CADM2: variants seen among roughly 807,000 people sequenced by gnomAD.
CADM2 encodes immunoglobulin superfamily member 4D.
Under a neutral mutation model 49.8 loss-of-function variants are expected in CADM2, and 12 were observed. The observed-to-expected ratio is 0.24, with a 90% CI of 0.15 to 0.39. The LOEUF (loss-of-function observed/expected upper bound fraction) is 0.39. Among genes scored for constraint, CADM2 ranks in the 10% least tolerant of loss-of-function variants. CADM2 has a pLI of 1.00. For missense variants in CADM2, 378 were observed against 492.3 expected (o/e 0.77, Z 2.20); for synonymous variants, 214 against 175.4 (o/e 1.22, Z -1.74).
intron 1 of CADM2, among the ~76,000 whole-genome samples, chr3:85,194,387 A>C (rs2041288692): frequency 6.6e-6 from 1 of 152,072 alleles, no homozygotes; most frequent in African/African-American, 2.4e-5. Flanking sequence ...CATGATCATA[A>C]TTCATTTAGC....
chr3:85,457,045 C>T (rs753629043), intron 1 of CADM2, among the ~76,000 whole-genome samples: 1 of 151,936 alleles, frequency 6.6e-6, no homozygotes, highest in Non-Finnish European at 1.5e-5. Context: ...TGCTGATAAT[C>T]AGGCATGTTT....
At chr3:85,648,192 T>C (rs1341583012) in intron 1 of CADM2, among the ~76,000 whole-genome samples, 1 of 151,936 alleles carries the variant, frequency 6.6e-6, no homozygotes, top group African/African-American at 2.4e-5. Flanking sequence ...ATTAGTTTCA[T>C]TGATATGACA....
Position 85,029,508 on chromosome 3 carries a change from G to A in CADM2, c.61+69840G>A, listed in dbSNP as rs577396142. 2.0e-5 allele frequency among the ~76,000 whole-genome samples: 3 copies of A among 152,122 alleles called. No homozygotes were observed. The East Asian group carries it at 5.8e-4, about 29-fold the overall frequency. ...GGTTTACTTTGCTAAGTTTCACAAAGCAAAAAAGGGTTTATCTTGGACAGT... is the reference window on the plus strand; with the variant it reads ...GGTTTACTTTGCTAAGTTTCACAAAACAAAAAAGGGTTTATCTTGGACAGT... On this transcript the variant is annotated intron_variant, in intron 1 of 9. Coordinates refer to ENST00000383699, the MANE Select transcript of CADM2 (RefSeq NM_001167675.2).
At chr3:85,488,201 T>C (rs933275820) in intron 1 of CADM2, among the ~76,000 whole-genome samples, 6 of 152,186 alleles carry the variant, frequency 3.9e-5, no homozygotes, top group Non-Finnish European at 8.8e-5. Flanking sequence ...GTGGGCTACT[T>C]GCTCAAATTC....
At chr3:85,491,883 C>T (rs1470138892) in intron 1 of CADM2, among the ~76,000 whole-genome samples, 2 of 149,908 alleles carry the variant, frequency 1.3e-5, no homozygotes, top group Non-Finnish European at 2.9e-5. Flanking sequence ...ATCGGGCAGG[C>T]GGAGCTTGCA....
At chr3:85,724,803 T>A (rs1021037372) in intron 1 of CADM2, among the ~76,000 whole-genome samples, 30 of 152,062 alleles carry the variant, frequency 2.0e-4, no homozygotes, top group African/African-American at 6.7e-4. Context: ...TTTGCTATAT[T>A]ACCTGTAATT....
chr3:85,921,199 T>C (rs1320088123), intron 6 of CADM2, among the ~76,000 whole-genome samples: 2 of 152,138 alleles, frequency 1.3e-5, no homozygotes, highest in Non-Finnish European at 2.9e-5. Context: ...TTCTACTTTA[T>C]GTCTATTTTT....
At chr3:85,520,560 A>C (rs1369504773) in intron 1 of CADM2, among the ~76,000 whole-genome samples, 1 of 152,058 alleles carries the variant, frequency 6.6e-6, no homozygotes, top group African/African-American at 2.4e-5. Flanking sequence ...TTATATTTTT[A>C]GGAAGAAAAA....
chr3:85,173,808 T>C (rs572249565), intron 1 of CADM2, among the ~76,000 whole-genome samples: 2 of 152,348 alleles, frequency 1.3e-5, no homozygotes, highest in Middle Eastern at 3.4e-3. Context: ...CTTCTGTATG[T>C]AGTATCCATA....
chr3:85,763,450 G>A (rs1175008932), intron 2 of CADM2, among the ~76,000 whole-genome samples: 2 of 152,142 alleles, frequency 1.3e-5, no homozygotes, highest in Non-Finnish European at 2.9e-5. Flanking sequence ...TACAAAGGTA[G>A]CTTTATATTC....
chr3:85,652,771 T>TC (rs1553655455), intron 1 of CADM2, among the ~76,000 whole-genome samples: 1 of 134,562 alleles, frequency 7.4e-6, no homozygotes, highest in East Asian at 2.1e-4. Context: ...TTTTTTCTTT[T>TC]CTTTTTTTTT....
At chr3:85,079,647 T>C (rs1028094738) in intron 1 of CADM2, among the ~76,000 whole-genome samples, 17 of 151,842 alleles carry the variant, frequency 1.1e-4, no homozygotes, top group Non-Finnish European at 1.6e-4. Context: ...CATTATCCTT[T>C]GGGCACATAA....
intron 1 of CADM2, among the ~76,000 whole-genome samples, chr3:85,115,197 G>A (rs2038599054): frequency 1.3e-5 from 2 of 152,076 alleles, no homozygotes; most frequent in Admixed American, 1.3e-4. Context: ...TACAAGGTCT[G>A]ATCTACCTTA....
chr3:85,598,536 C>T (rs2107379200), intron 1 of CADM2, among the ~76,000 whole-genome samples: 1 of 151,404 alleles, frequency 6.6e-6, no homozygotes, highest in South Asian at 2.1e-4. Context: ...TGGTTTTAAC[C>T]ATAATTTACT....
intron 2 of CADM2, among the ~76,000 whole-genome samples, chr3:85,775,563 A>G (rs976645325): frequency 1.4e-4 from 21 of 151,850 alleles, no homozygotes; most frequent in African/African-American, 5.1e-4. Context: ...TTGTACTCAG[A>G]ATTTTATAAA....
chr3:85,791,930 A>G (rs1240068765), intron 2 of CADM2, among the ~76,000 whole-genome samples: 1 of 152,076 alleles, frequency 6.6e-6, no homozygotes, highest in Non-Finnish European at 1.5e-5. Flanking sequence ...TCACCATGTT[A>G]GCCAGGATGG....
chr3:85,804,572 A>G (rs970067784), intron 3 of CADM2, among the ~76,000 whole-genome samples: 3 of 152,186 alleles, frequency 2.0e-5, no homozygotes, highest in East Asian at 1.9e-4. Flanking sequence ...TTTAAGAGTC[A>G]TGTTTACAGT....
At chr3:85,028,960 T>TTGGA (rs2034857732) in intron 1 of CADM2, among the ~76,000 whole-genome samples, 2 of 151,642 alleles carry the variant, frequency 1.3e-5, no homozygotes, top group African/African-American at 2.4e-5. Flanking sequence ...AATAAAACAG[T>TTGGA]ATGTGAATAA....
intron 1 of CADM2, among the ~76,000 whole-genome samples, chr3:85,466,976 C>T (rs550409284): frequency 6.6e-6 from 1 of 152,280 alleles, no homozygotes; most frequent in South Asian, 2.1e-4. Context: ...TAACTACCAG[C>T]TTCAATACTT....
Sources: allele counts gnomAD v4.1 joint callset (sites outside exome capture counted in the v4.1 genomes callset), GRCh38; gene constraint gnomAD v4.1.1; transcripts MANE v1.5; gene names NCBI Gene and HGNC (gene_info 2026-07-23, HGNC 2026-07-21).